The following CDC73 variants were observed in gnomAD, a reference collection of about 807,000 sequenced individuals.
CDC73 encodes cell division cycle 73.
A neutral mutation model predicts 83.7 loss-of-function variants in CDC73; 21 were observed. That is an observed-to-expected ratio of 0.25 (90% CI 0.18 to 0.36). CDC73 has a LOEUF of 0.36. Among genes scored for constraint, CDC73 ranks in the 10% least tolerant of loss-of-function variants. The probability of loss-of-function intolerance (pLI) is 1.00; values close to 1 mark genes in which losing one functional copy is unlikely to be tolerated. For synonymous variants in CDC73, 224 were observed against 212.9 expected (o/e 1.05, Z -0.45); for missense variants, 342 against 653.3 (o/e 0.52, Z 5.19).
intron 14 of CDC73, among the ~76,000 whole-genome samples, chr1:193,234,175 T>TCTCA (rs1241998258): frequency 1.8e-3 from 184 of 101,404 alleles, no homozygotes; most frequent in East Asian, 5.7e-3. Context: ...TCTCTCTCTC[T>TCTCA]CACACACACA....
In CDC73 at chr1:193,254,731, T is replaced by C. The variant is rs1678103306; in HGVS notation, c.*4019T>C. Among the ~76,000 whole-genome samples the C allele has an allele frequency of 6.6e-6, 1 of 152,176 alleles. No individual in the cohort carries two copies. Among genetic ancestry groups the C allele is most frequent in the African/African-American group, 2.4e-5 (1 of 41,446 alleles). ...AAGGGCATCTTGGAAGTTATAAATA[T>C]GTGCCATTTACTGAAAAGTGGGAAG... On this transcript the variant is annotated 3_prime_UTR_variant, in exon 17 of 17. Coordinates refer to ENST00000367435, the MANE Select transcript of CDC73 (RefSeq NM_024529.5).
At chr1:193,156,629 C>A (rs952250309) in intron 10 of CDC73, among the ~76,000 whole-genome samples, 1 of 152,092 alleles carries the variant, frequency 6.6e-6, no homozygotes, top group Non-Finnish European at 1.5e-5. Flanking sequence ...CTCTCCCCAC[C>A]CCACCACTGT....
intron 10 of CDC73, among the ~76,000 whole-genome samples, chr1:193,162,244 TATAATA>T (rs1558293561): frequency 8.1e-6 from 1 of 123,866 alleles, no homozygotes; most frequent in Non-Finnish European, 1.6e-5. Flanking sequence ...GTATATAATA[TATAATA>T]AATATAGTAT....
In CDC73 at chr1:193,212,396, G is replaced by A. The variant is rs1677294728; in HGVS notation, c.1073G>A (p.Arg358Gln). 1.3e-6 allele frequency: 2 copies of A among 1,593,192 alleles called. No homozygotes were observed. The highest frequency in any genetic ancestry group is 1.7e-6 in the Non-Finnish European group (2 of 1,166,556). ...GTAAATTTTGTCTTTATAGGATCTC[G>A]AACACCCATTATCATAATTCCTGCA... is the stretch of plus-strand genomic sequence containing the variant. ...RPPPNQKKGSRTPIIIIPAAT... is the reference protein window; with the variant it reads ...RPPPNQKKGSQTPIIIIPAAT... The change falls in exon 13 of 17, where the codon CGA (arginine) becomes CAA (glutamine). Residue 358 changes from arginine to glutamine, a missense_variant. Arg to Gln is a conservative substitution (Grantham distance 43). Around this residue, in one of 3 missense-constraint regions of CDC73, gnomAD observed 239 missense variants for 420.6 expected, o/e 0.57. Transcript: ENST00000367435.
intron 15 of CDC73, among the ~76,000 whole-genome samples, chr1:193,246,985 C>T (rs1048501945): frequency 2.0e-5 from 3 of 152,118 alleles, no homozygotes; most frequent in African/African-American, 7.2e-5. Flanking sequence ...TCGCTTAATT[C>T]GTACTTGGCC....
chr1:193,183,938 C>G (rs920336399), intron 10 of CDC73, among the ~76,000 whole-genome samples: 1 of 151,558 alleles, frequency 6.6e-6, no homozygotes, highest in Non-Finnish European at 1.5e-5. Context: ...AGTTAAAGGA[C>G]TGAGTAAATA....
chr1:193,134,424 A>G (rs1675751795), intron 3 of CDC73, among the ~76,000 whole-genome samples: 1 of 152,134 alleles, frequency 6.6e-6, no homozygotes, highest in South Asian at 2.1e-4. Flanking sequence ...TAATCCCAGC[A>G]CTTTGGGAGG....
chr1:193,243,944 C>G (rs1039574727), intron 15 of CDC73, among the ~76,000 whole-genome samples: 1 of 152,092 alleles, frequency 6.6e-6, no homozygotes, highest in Admixed American at 6.5e-5. Flanking sequence ...CAATATGAAA[C>G]AAGCAATCCA....
intron 13 of CDC73, among the ~76,000 whole-genome samples, chr1:193,228,866 T>G (rs545971835): frequency 6.6e-6 from 1 of 152,034 alleles, no homozygotes; most frequent in South Asian, 2.1e-4. Flanking sequence ...TGGGAGAAAA[T>G]CTTTTCATTG....
intron 2 of CDC73, among the ~76,000 whole-genome samples, chr1:193,126,137 G>T (rs1168485076): frequency 7.9e-5 from 12 of 152,100 alleles, no homozygotes; most frequent in Admixed American, 7.9e-4. Flanking sequence ...TTATAGAGAT[G>T]TTTAGAAAAA....
chr1:193,252,750 T>TA lies in CDC73; in HGVS notation c.*2044dup, dbSNP rs1412529892. ...TCCATTATTTTTTAGCTGTTTATTC[T>TA]AAAAAACAAAAATTTTCAGCCACTC... On this transcript the variant is annotated 3_prime_UTR_variant, in exon 17 of 17. Transcript: ENST00000367435. 4.3e-6 allele frequency: 1 copy of TA among 231,668 alleles called. No homozygotes were observed. Among genetic ancestry groups the TA allele is most frequent in the Non-Finnish European group, 8.5e-6 (1 of 117,112 alleles). The allele number at this position is 231,668 out of a possible 1,614,324, so 14.4% of individuals were successfully genotyped here. A position where few individuals can be genotyped will look rare whatever the true frequency, so the allele number is the denominator to read the frequency against.
In CDC73 at chr1:193,253,390, T is replaced by C. The variant is rs1188879435; in HGVS notation, c.*2678T>C. On this transcript the variant is annotated 3_prime_UTR_variant, in exon 17 of 17. Coordinates refer to ENST00000367435, the MANE Select transcript of CDC73 (RefSeq NM_024529.5). ...TTTCCTCTTCCTTCTTTTCTGTATG[T>C]ATGTGTGGTTTTTGATTTTTTGTTG... 1 of 232,466 alleles carries C rather than the reference T, an allele frequency of 4.3e-6. No homozygotes were observed. Among genetic ancestry groups the C allele is most frequent in the African/African-American group, 2.2e-5 (1 of 45,310 alleles). 14.4% of individuals were successfully genotyped at this position (232,466 alleles called of 1,614,324 possible).
intron 15 of CDC73, among the ~76,000 whole-genome samples, chr1:193,247,889 A>G (rs944368082): frequency 6.6e-6 from 1 of 152,154 alleles, no homozygotes; most frequent in African/African-American, 2.4e-5. Context: ...GAAGTAAGCC[A>G]TCTCTATAAA....
chr1:193,196,653 A>C (rs1677007491), intron 10 of CDC73, among the ~76,000 whole-genome samples: 1 of 152,132 alleles, frequency 6.6e-6, no homozygotes, highest in Non-Finnish European at 1.5e-5. Context: ...TCAGTGTACA[A>C]GTCTTTTGTT....
intron 15 of CDC73, among the ~76,000 whole-genome samples, chr1:193,239,764 T>C (rs1357099085): frequency 6.6e-6 from 1 of 152,180 alleles, no homozygotes; most frequent in East Asian, 1.9e-4. Context: ...AAGTCATCTC[T>C]TCTAGCTGTT....
At chr1:193,156,328 AC>A (rs1193622404) in intron 10 of CDC73, among the ~76,000 whole-genome samples, 2 of 152,018 alleles carry the variant, frequency 1.3e-5, no homozygotes, top group African/African-American at 2.4e-5. Flanking sequence ...AGTATCATTG[AC>A]TCTTGATTAC....
chr1:193,160,941 AGATTTTTGAGT>A lies in CDC73; in HGVS notation c.972+8500_972+8510del, dbSNP rs61312082. Among the ~76,000 whole-genome samples the A allele has an allele frequency of 6.6e-4, 101 of 152,152 alleles. 1 individual carries two copies. The highest frequency in any genetic ancestry group is 2.3e-3 in the African/African-American group (96 of 41,556). On this transcript the variant is annotated intron_variant, in intron 10 of 16. Coordinates refer to ENST00000367435, the MANE Select transcript of CDC73 (RefSeq NM_024529.5). Reference sequence around the variant, plus strand: ...TTTCTCGGTCTTTGTAAATTGATTTAGATTTTTGAGTGACTTTTTAATCTTTTATATAATTC... The same window carrying A: ...TTTCTCGGTCTTTGTAAATTGATTTAGACTTTTTAATCTTTTATATAATTC...
At chr1:193,247,654 T>C (rs1414106530) in intron 15 of CDC73, among the ~76,000 whole-genome samples, 2 of 152,132 alleles carry the variant, frequency 1.3e-5, no homozygotes, top group African/African-American at 4.8e-5. Context: ...AAAGTGCTAC[T>C]CCAGTCGACA....
At chr1:193,130,650 A>G (rs1675678680) in intron 3 of CDC73, among the ~76,000 whole-genome samples, 1 of 152,206 alleles carries the variant, frequency 6.6e-6, no homozygotes, top group Admixed American at 6.5e-5. Flanking sequence ...AATATTCTGC[A>G]AGAGTTCGTG....
Sources: gnomAD v4.1 joint callset for allele counts (sites outside exome capture counted in the v4.1 genomes callset) on GRCh38, gnomAD v4.1.1 for gene constraint, gnomAD v4.1.1 regional missense constraint, MANE v1.5 for transcripts, NCBI Gene and HGNC (gene_info 2026-07-23, HGNC 2026-07-21) for gene names.